UBR3: variants seen among roughly 807,000 people sequenced by gnomAD.
UBR3 encodes the protein ubiquitin protein ligase E3 component n-recognin 3, also known as E3 ubiquitin-protein ligase UBR3.
Under a neutral mutation model 243.2 loss-of-function variants are expected in UBR3, and 85 were observed. That is an observed-to-expected ratio of 0.35 (90% confidence interval 0.29 to 0.42). The LOEUF (loss-of-function observed/expected upper bound fraction) is 0.42, where lower values mean the gene tolerates loss of function less well. Ranked by LOEUF, UBR3 falls within the 10% of genes least tolerant of loss-of-function variation. UBR3 has a pLI of 1.00. For missense variants in UBR3, 1,686 were observed against 2,300.8 expected (o/e 0.73, Z 5.47); for synonymous variants, 748 against 799.8 (o/e 0.94, Z 1.09).
At chr2:169,855,181 A>C (rs1310417052) in intron 1 of UBR3, among the ~76,000 whole-genome samples, 1 of 152,162 alleles carries the variant, frequency 6.6e-6, no homozygotes. Flanking sequence ...AAAGGATGAA[A>C]AATTAAGAGA....
intron 11 of UBR3, among the ~76,000 whole-genome samples, chr2:169,921,675 C>G (rs144450929): frequency 1.0e-3 from 158 of 152,254 alleles, no homozygotes; most frequent in Admixed American, 1.8e-3. Flanking sequence ...CATAGTTTTA[C>G]AGCTGGGTGG....
rs1279934080 is a variant in UBR3 at position 169,890,553 on chromosome 2, A to ATGTGTG, written c.1039-611_1039-610insGTGTGT. Among the ~76,000 whole-genome samples the ATGTGTG allele has an allele frequency of 1.6e-4, 15 of 96,418 alleles. 1 individual carries two copies. The highest frequency in any genetic ancestry group is 1.1e-3 in the Admixed American group (10 of 9,160). The allele number at this position is 96,418 out of a possible 152,430, so 63.3% of individuals were successfully genotyped here. ...GAGAGAGAGAGAGATATATATATATATATATATATATGTGTATATATATAT... is the reference window on the plus strand; with the variant it reads ...GAGAGAGAGAGAGATATATATATATATGTGTGTATATATATATGTGTATATATATAT... On this transcript the variant is annotated intron_variant, in intron 5 of 38. Transcript: ENST00000272793.
intron 35 of UBR3, 30 bp downstream of exon 35, chr2:170,061,473 C>CTTTT (rs35032863): frequency 8.0e-7 from 1 of 1,243,490 alleles, no homozygotes; most frequent in Non-Finnish European, 1.1e-6. Flanking sequence ...TAAGAGGGAG[C>CTTTT]TTTTTTTTTT....
intron 28 of UBR3, among the ~76,000 whole-genome samples, chr2:170,007,392 A>G (rs2089951063): frequency 6.6e-6 from 1 of 152,128 alleles, no homozygotes; most frequent in Non-Finnish European, 1.5e-5. Context: ...CTTTAGGCTA[A>G]ATTCTGAGTT....
At chr2:170,010,406 T>G (rs1176011534) in intron 29 of UBR3, among the ~76,000 whole-genome samples, 1 of 152,216 alleles carries the variant, frequency 6.6e-6, no homozygotes, top group African/African-American at 2.4e-5. Context: ...ATGCCTTTAA[T>G]TTTATTAGAG....
At chr2:169,976,444 A>G (rs1191469417) in intron 24 of UBR3, among the ~76,000 whole-genome samples, 1 of 151,912 alleles carries the variant, frequency 6.6e-6, no homozygotes, top group Non-Finnish European at 1.5e-5. Context: ...AGTTTGGTCT[A>G]GTGGTGATGA....
At chr2:169,912,805 G>C (rs2105337969) in intron 10 of UBR3, among the ~76,000 whole-genome samples, 1 of 151,542 alleles carries the variant, frequency 6.6e-6, no homozygotes, top group South Asian at 2.1e-4. Flanking sequence ...TTTTGAGATA[G>C]GGTCTCACTG....
intron 30 of UBR3, among the ~76,000 whole-genome samples, chr2:170,024,544 G>T (rs2105418602): frequency 6.6e-6 from 1 of 152,110 alleles, no homozygotes; most frequent in Middle Eastern, 3.4e-3. Flanking sequence ...GTGTGCATGT[G>T]TGTGTGTGTG....
At chr2:169,890,686 A>G (rs908390740) in intron 5 of UBR3, among the ~76,000 whole-genome samples, 4 of 145,778 alleles carry the variant, frequency 2.7e-5, no homozygotes, top group African/African-American at 1.0e-4. Context: ...TATTATTTTT[A>G]ACTGTCAACT....
chr2:169,846,899 A>C (rs541046284), intron 1 of UBR3, among the ~76,000 whole-genome samples: 5 of 152,004 alleles, frequency 3.3e-5, no homozygotes, highest in Non-Finnish European at 5.9e-5. Flanking sequence ...CACCCAGTGA[A>C]ATTTTTGTAT....
intron 18 of UBR3, among the ~76,000 whole-genome samples, chr2:169,932,435 A>G (rs1159365541): frequency 6.6e-6 from 1 of 152,008 alleles, no homozygotes; most frequent in South Asian, 2.1e-4. Context: ...TTTTTGTTTA[A>G]TACTTTTTTT....
chr2:169,925,847 C>A, intron 14 of UBR3, 100 bp downstream of exon 14: 1 of 1,082,180 alleles, frequency 9.2e-7, no homozygotes, highest in South Asian at 2.3e-5. Flanking sequence ...ATGGAGAGGC[C>A]AATGCCATTG....
chr2:169,835,487 C>A (rs2082054387), intron 1 of UBR3, among the ~76,000 whole-genome samples: 2 of 152,222 alleles, frequency 1.3e-5, no homozygotes, highest in African/African-American at 4.8e-5. Context: ...TGTTGCCAGG[C>A]TGGAGTGCAG....
At chr2:169,902,035 G>T (rs6725636) in intron 8 of UBR3, among the ~76,000 whole-genome samples, 148,667 of 152,318 alleles carry the variant, frequency 0.98, 72,645 homozygotes, top group East Asian at 1. Flanking sequence ...TAATCTGGCT[G>T]CTTTTACATT....
chr2:169,965,115 C>T, intron 24 of UBR3: 1 of 363,812 alleles, frequency 2.7e-6, no homozygotes, highest in South Asian at 2.1e-5. Flanking sequence ...CTGTTTGAGA[C>T]CCCATTTTCA....
At chr2:169,842,447 A>C (rs2082328962) in intron 1 of UBR3, among the ~76,000 whole-genome samples, 1 of 151,908 alleles carries the variant, frequency 6.6e-6, no homozygotes, top group Non-Finnish European at 1.5e-5. Flanking sequence ...AGCATTGGCA[A>C]CCCTCTCGGG....
intron 24 of UBR3, among the ~76,000 whole-genome samples, chr2:169,984,892 C>T (rs13022666): frequency 0.28 from 42,179 of 151,892 alleles, 6,951 homozygotes; most frequent in Non-Finnish European, 0.38. Flanking sequence ...ACTGTATCAC[C>T]ATTGAAGATT....
chr2:170,065,029 G>T (rs918096116), intron 35 of UBR3, among the ~76,000 whole-genome samples: 12 of 151,580 alleles, frequency 7.9e-5, no homozygotes, highest in African/African-American at 2.7e-4. Context: ...TTTTAGTAGA[G>T]ACAGGGCTTC....
rs1468692212 is a variant in UBR3 at position 169,932,941 on chromosome 2, G to A, written c.2596G>A (p.Val866Ile). The A allele has an allele frequency of 9.7e-6, 15 of 1,541,556 alleles. No individual in the cohort carries two copies. The highest frequency in any genetic ancestry group is 2.5e-5 in the East Asian group (1 of 40,296). The change falls in exon 19 of 39, where the codon GTC becomes ATC. Residue 866 changes from valine (V) to isoleucine (I), a missense_variant. By Grantham distance (29) the Val-to-Ile change is conservative. Coordinates refer to ENST00000272793, the MANE Select transcript of UBR3 (RefSeq NM_172070.4). ...AEVWDQEFDPVMVILRTVYRR... is the reference protein window; with the variant it reads ...AEVWDQEFDPIMVILRTVYRR... ...AGTCTGGGATCAAGAGTTTGACCCC[G>A]TCATGGTCATTCTTCGAACAGTTTA...
Sources: allele counts gnomAD v4.1 joint callset (sites outside exome capture counted in the v4.1 genomes callset), GRCh38; gene constraint gnomAD v4.1.1; transcripts MANE v1.5; gene names NCBI Gene and HGNC (gene_info 2026-07-23, HGNC 2026-07-21).